The following DEAF1 variants were observed in gnomAD, a reference collection of about 807,000 sequenced individuals.
DEAF1 encodes the protein deformed epidermal autoregulatory factor 1 homolog.
In DEAF1, 53 loss-of-function variants were observed where a neutral mutation model predicts 58.9. The observed-to-expected ratio is 0.90, with a 90% CI of 0.72 to 1.13. The LOEUF (loss-of-function observed/expected upper bound fraction) is 1.13, where lower values mean the gene tolerates loss of function less well. Ranked by LOEUF, DEAF1 falls within the 50% of genes most tolerant of loss-of-function variation. The probability of loss-of-function intolerance (pLI) is 0.00; values close to 1 mark genes in which losing one functional copy is unlikely to be tolerated. For missense variants in DEAF1, 685 were observed against 791.4 expected, an observed-to-expected ratio of 0.87 and a Z score of 1.61; for synonymous variants, 385 against 340.4, an observed-to-expected ratio of 1.13 and a Z score of -1.44.
In DEAF1 at chr11:653,821, G is replaced by A. The variant is rs966070166; in HGVS notation, c.1593+141C>T. On this transcript the variant is annotated intron_variant, in intron 11 of 11. Coordinates refer to ENST00000382409, the MANE Select transcript of DEAF1 (RefSeq NM_021008.4). ...TGCAGGGTCTTCACGGAGCCAGGCA[G>A]GAGCCCCGGATTCCCAGAGGGAGGG... The A allele has an allele frequency of 7.8e-6, 6 of 766,724 alleles. No individual in the cohort carries two copies. In the African/African-American group the frequency reaches 1.0e-4, roughly 13 times the overall value. 47.5% of individuals were successfully genotyped at this position (766,724 alleles called of 1,614,324 possible).
At chr11:647,837 A>G (rs1437428160) in intron 11 of DEAF1, among the ~76,000 whole-genome samples, 1 of 151,048 alleles carries the variant, frequency 6.6e-6, no homozygotes, top group Non-Finnish European at 1.5e-5. Context: ...GACTTGACCC[A>G]GGCGGTGCTG....
intron 1 of DEAF1, chr11:704,443 G>T: frequency 1.6e-6 from 2 of 1,289,022 alleles, no homozygotes; most frequent in African/African-American, 3.0e-5. Context: ...GGCCCCCAGT[G>T]GCCACGGTGA....
At chr11:658,479 T>C (rs979114890) in intron 10 of DEAF1, among the ~76,000 whole-genome samples, 3 of 152,226 alleles carry the variant, frequency 2.0e-5, no homozygotes, top group Non-Finnish European at 4.4e-5. Flanking sequence ...TGTGTGTGCG[T>C]TGCAGAAGGT....
In DEAF1 at chr11:701,613, G is replaced by A. The variant is rs182347880; in HGVS notation, c.-438+4959C>T. Among the ~76,000 whole-genome samples the A allele has an allele frequency of 7.2e-5, 11 of 152,020 alleles. 1 individual carries two copies. Among genetic ancestry groups the A allele is most frequent in the African/African-American group, 2.4e-4 (10 of 41,468 alleles). ...TTTAGTAGAGATGGGGTTTCACCATGTTAGCCAGGATGGTTTCCATCTCCT... is the reference window on the plus strand; with the variant it reads ...TTTAGTAGAGATGGGGTTTCACCATATTAGCCAGGATGGTTTCCATCTCCT... On this transcript the variant is annotated intron_variant, in intron 1 of 11. Transcript: ENST00000683307.
intron 11 of DEAF1, among the ~76,000 whole-genome samples, chr11:652,104 C>A (rs1185531523): frequency 6.6e-6 from 1 of 152,178 alleles, no homozygotes; most frequent in Non-Finnish European, 1.5e-5. Context: ...GGCCCTAACA[C>A]AAATCTCAAT....
At chr11:705,212 C>A (rs759287363) in intron 1 of DEAF1, 1 of 164,414 alleles carries the variant, frequency 6.1e-6, no homozygotes, top group Non-Finnish European at 1.3e-5. Flanking sequence ...CTCTTGGCCA[C>A]GCTCATTCCC....
chr11:704,475 C>G, intron 1 of DEAF1: 1 of 1,289,384 alleles, frequency 7.8e-7, no homozygotes, highest in Non-Finnish European at 1.0e-6. Flanking sequence ...GCCCTGAGGA[C>G]CCACTTCACA....
At chr11:656,370 G>T (rs1355500831) in intron 10 of DEAF1, among the ~76,000 whole-genome samples, 1 of 151,912 alleles carries the variant, frequency 6.6e-6, no homozygotes, top group East Asian at 1.9e-4. Context: ...TGGCCAGGCT[G>T]GTCTCGGAAA....
intron 1 of DEAF1, among the ~76,000 whole-genome samples, chr11:705,659 C>T (rs976463387): frequency 6.6e-5 from 10 of 152,300 alleles, no homozygotes; most frequent in African/African-American, 2.4e-4. Context: ...CACCCACTCA[C>T]CGAAGCCTCT....
At position 688,114 on chromosome 11, in the gene DEAF1, C is replaced by T; in HGVS notation, c.518-57G>A. On this transcript the variant is annotated intron_variant, in intron 3 of 11. Coordinates refer to ENST00000382409, the MANE Select transcript of DEAF1 (RefSeq NM_021008.4). This position sits in a 1 kb window ranked among gnomAD's most constrained non-coding sequence, Gnocchi z 4.3. ...GCCGGACACCGGGAAGCATAGTACA[C>T]TCTCATCTCAGACACCACCTCCCCG... The T allele has an allele frequency of 6.2e-7, 1 of 1,609,732 alleles. No homozygotes were observed. The highest frequency in any genetic ancestry group is 8.5e-7 in the Non-Finnish European group (1 of 1,177,424).
chr11:674,738 G>A lies in DEAF1; in HGVS notation c.1301C>T (p.Thr434Ile). ...GACCAACGCGGGAGGTGCCGCTTTG[G>A]TGGGAGTCGGGGGTGGGACCGCCAG... ...PALAVPPPTP[T>I]KAAPPALVNG... Residue 434 changes from threonine to isoleucine, a missense_variant, in exon 10 of 12, where the codon ACC becomes ATC. By Grantham distance (89) the Thr-to-Ile change is moderately conservative. Around this residue, in one of 3 missense-constraint regions of DEAF1, gnomAD observed 343 missense variants for 379.8 expected, o/e 0.90. Coordinates refer to ENST00000382409, the MANE Select transcript of DEAF1 (RefSeq NM_021008.4). 1 of 1,613,648 alleles carries A rather than the reference G, an allele frequency of 6.2e-7. No individual in the cohort carries two copies. The highest frequency in any genetic ancestry group is 8.5e-7 in the Non-Finnish European group (1 of 1,180,030).
At chr11:700,718 T>A (rs1485398209) in intron 1 of DEAF1, 1 of 1,607,658 alleles carries the variant, frequency 6.2e-7, no homozygotes, top group South Asian at 1.1e-5. Context: ...GTGAGTGGAC[T>A]GTTAACACCG....
At chr11:697,276 A>G (rs1029996577), upstream of DEAF1, among the ~76,000 whole-genome samples, 3 of 152,206 alleles carry the variant, frequency 2.0e-5, no homozygotes, top group South Asian at 4.1e-4. Flanking sequence ...GTGTATACCA[A>G]AACAAGATTT....
chr11:697,817 G>C (rs1345635398), upstream of DEAF1: 1 of 152,258 alleles, frequency 6.6e-6, no homozygotes, highest in Non-Finnish European at 1.5e-5. Flanking sequence ...ATCCTGTGGT[G>C]CCTCTTCCAG....
rs753858256 is a variant in DEAF1 at position 674,722 on chromosome 11, G to A, written c.1317C>T (p.Pro439=). 9.9e-6 allele frequency: 16 copies of A among 1,613,776 alleles called. No homozygotes were observed. The East Asian group carries it at 1.1e-4, about 11-fold the overall frequency. The change falls in exon 10 of 12, where the codon CCC becomes CCT. Residue 439 remains proline (P), a synonymous_variant. Transcript: ENST00000382409. ...PPPTPTKAAP[P]ALVNGLELSE... The stretch of plus-strand genomic sequence containing the variant: ...ACAGCTCCAGCCCATTGACCAACGC[G>A]GGAGGTGCCGCTTTGGTGGGAGTCG...
At chr11:664,237 AAG>A (rs936530355) in intron 10 of DEAF1, among the ~76,000 whole-genome samples, 1 of 152,112 alleles carries the variant, frequency 6.6e-6, no homozygotes, top group African/African-American at 2.4e-5. Context: ...AAAGAAAAAA[AAG>A]AAAAAAAGTT....
intron 10 of DEAF1, among the ~76,000 whole-genome samples, chr11:669,177 G>C (rs1859696207): frequency 7.6e-6 from 1 of 131,328 alleles, no homozygotes; most frequent in East Asian, 2.2e-4. Context: ...GTCCAGGCTT[G>C]TCTCAAACTC....
chr11:685,317 C>CA (rs1860545281), intron 5 of DEAF1, among the ~76,000 whole-genome samples: 1 of 152,132 alleles, frequency 6.6e-6, no homozygotes, highest in Non-Finnish European at 1.5e-5. Flanking sequence ...CTCCTGGCCT[C>CA]AAGCAATCTG....
intron 11 of DEAF1, 24 bp downstream of exon 11, chr11:653,938 G>A (rs540661717): frequency 6.2e-7 from 1 of 1,610,762 alleles, no homozygotes; most frequent in Admixed American, 1.7e-5. Context: ...CGGGGGCACT[G>A]AGCCTGGTGT....
Sources: allele counts gnomAD v4.1 joint callset (sites outside exome capture counted in the v4.1 genomes callset), GRCh38; gene constraint gnomAD v4.1.1; regional missense constraint gnomAD v4.1.1; non-coding constraint Gnocchi (gnomAD v3.1); transcripts MANE v1.5; gene names NCBI Gene and HGNC (gene_info 2026-07-23, HGNC 2026-07-21).